Variants in ZFHX2 observed in about 807,000 individuals in gnomAD.
The protein encoded by ZFHX2 is zinc finger homeobox 2.
In ZFHX2, 75 loss-of-function variants were observed where a neutral mutation model predicts 164.8. That is an observed-to-expected ratio of 0.46 (90% CI 0.38 to 0.55). ZFHX2 has a LOEUF of 0.55. ZFHX2 is among the 20% of genes least tolerant of loss of function. The pLI, the probability that ZFHX2 is intolerant of heterozygous loss-of-function variation, is 0.00. For synonymous variants in ZFHX2, 1,217 were observed against 1,351.4 expected (o/e 0.90, Z 2.18); for missense variants, 2,933 against 3,308.0 (o/e 0.89, Z 2.78).
chr14:23,530,461 C>T (rs1269201969), intron 4 of ZFHX2: 6 of 644,260 alleles, frequency 9.3e-6, no homozygotes, highest in African/African-American at 1.8e-5. Context: ...CAGCAGTAGA[C>T]AGCAGAAACA....
chr14:23,547,789 G>A (rs545539342), intron 1 of ZFHX2, among the ~76,000 whole-genome samples: 1 of 152,290 alleles, frequency 6.6e-6, no homozygotes, highest in South Asian at 2.1e-4. Context: ...CTAATTCAAC[G>A]TTTGATCAGT....
In ZFHX2 at chr14:23,522,023, C is replaced by T; in HGVS notation, c.7658G>A (p.Arg2553Lys). Residue 2553 changes from arginine (R) to lysine (K), a missense_variant, in exon 10 of 10, where the codon AGA becomes AAA. Transcript: ENST00000419474. ...TGGGTTGGAGTCCGTGTGAGGTAAT[C>T]TTGCTTCCTCTTTGGCAAAAGCCAC... ...AAVAFAKEEA[R>K]LPHTDSNPKT... 6.5e-7 allele frequency: 1 copy of T among 1,536,388 alleles called. No homozygotes were observed. Among genetic ancestry groups the T allele is most frequent in the Non-Finnish European group, 8.7e-7 (1 of 1,146,902 alleles).
At position 23,522,552 on chromosome 14, in the gene ZFHX2, T is replaced by C. The variant is rs1488254950; in HGVS notation, c.7129A>G (p.Met2377Val). The change falls in exon 10 of 10, where the codon ATG (methionine) becomes GTG (valine). Residue 2377 changes from methionine (M) to valine (V), a missense_variant. Transcript: ENST00000419474. ...TTCATGGGAAATAGCCCCTTCTTCATGCCATAGAGCTGTTGGAAGTAGGCC... is the reference window on the plus strand; with the variant it reads ...TTCATGGGAAATAGCCCCTTCTTCACGCCATAGAGCTGTTGGAAGTAGGCC... ...QGAYFQQLYG[M>V]KKGLFPMNPM... 6.5e-7 allele frequency: 1 copy of C among 1,527,262 alleles called. No homozygotes were observed. The highest frequency in any genetic ancestry group is 2.0e-5 in the Admixed American group (1 of 50,174). The allele number at this position is 1,527,262 out of a possible 1,614,324, so 94.6% of individuals were successfully genotyped here. A position where few individuals can be genotyped will look rare whatever the true frequency, so the allele number is the denominator to read the frequency against.
Position 23,535,240 on chromosome 14 carries a change from GAGA to G in ZFHX2, c.83_85del (p.Phe28del), listed in dbSNP as rs1226211501. The G allele has an allele frequency of 2.6e-6, 4 of 1,519,048 alleles. No individual in the cohort carries two copies. Among genetic ancestry groups the G allele is most frequent in the East Asian group, 2.5e-5 (1 of 40,484 alleles). The allele number at this position is 1,519,048 out of a possible 1,614,324, so 94.1% of individuals were successfully genotyped here. On this transcript the variant is annotated inframe_deletion, in exon 2 of 10. Transcript: ENST00000419474. The surrounding 1 kb of genome is among the most constrained non-coding windows in gnomAD (Gnocchi z 4.5). ...GACAGGATCAGAGGGGGTGCTGGAG[GAGA>G]AGGTGTCCGAAGGCAGGGACGGGGC...
In ZFHX2 at chr14:23,522,204, A is replaced by C; in HGVS notation, c.7477T>G (p.Cys2493Gly). 1 of 1,482,854 alleles carries C rather than the reference A, an allele frequency of 6.7e-7. No homozygotes were observed. The allele number at this position is 1,482,854 out of a possible 1,614,324, so 91.9% of individuals were successfully genotyped here. ...TCACATGCCAGGCAGTGGTAGGTGC[A>C]GATGGGCACCCGCAATGGGGGTGGC... ...SMPPPLRVPICTYHCLACEVL... is the reference protein window; with the variant it reads ...SMPPPLRVPIGTYHCLACEVL... Residue 2493 changes from cysteine to glycine, a missense_variant, in exon 10 of 10, where the codon TGC becomes GGC. Transcript: ENST00000419474.
Position 23,523,326 on chromosome 14 carries a change from C to T in ZFHX2, c.6616G>A (p.Ala2206Thr). The T allele has an allele frequency of 6.9e-7, 1 of 1,454,344 alleles. No homozygotes were observed. Among genetic ancestry groups the T allele is most frequent in the Non-Finnish European group, 9.0e-7 (1 of 1,107,414 alleles). 90.1% of individuals were successfully genotyped at this position (1,454,344 alleles called of 1,614,324 possible). The change falls in exon 9 of 10, where the codon GCC (alanine) becomes ACC (threonine). Residue 2206 changes from alanine (A) to threonine (T), a missense_variant. Transcript: ENST00000419474. This position sits in a 1 kb window ranked among gnomAD's most constrained non-coding sequence, Gnocchi z 4.1. ...AGGGGCATGGAGGCAGGTGTGGTGGCAGGTGGGGCCTTGAGAGCTGGGGGA... is the reference window on the plus strand; with the variant it reads ...AGGGGCATGGAGGCAGGTGTGGTGGTAGGTGGGGCCTTGAGAGCTGGGGGA... Reference protein sequence around the residue: ...EAPPALKAPPATTPASMPLGA... With the variant: ...EAPPALKAPPTTTPASMPLGA...
At chr14:23,530,761 A>T in intron 4 of ZFHX2, 1 of 273,066 alleles carries the variant, frequency 3.7e-6, no homozygotes, top group South Asian at 3.5e-5. Context: ...CCGGCACTTA[A>T]CTCCAGCCAG....
Position 23,523,564 on chromosome 14 carries a change from C to G in ZFHX2, c.6378G>C (p.Gln2126His). The G allele has an allele frequency of 6.5e-7, 1 of 1,539,594 alleles. No homozygotes were observed. Among genetic ancestry groups the G allele is most frequent in the Non-Finnish European group, 8.7e-7 (1 of 1,148,272 alleles). Reference sequence around the variant, plus strand: ...CCCCAGTGCTCCCAGCGGCTGTCCCCTGTAGTTTGGCCTTCTTTTCCTTGG... The same window carrying G: ...CCCCAGTGCTCCCAGCGGCTGTCCCGTGTAGTTTGGCCTTCTTTTCCTTGG... Reference protein sequence around the residue: ...ARAKEKKAKLQGTAAGSTGGS... With the variant: ...ARAKEKKAKLHGTAAGSTGGS... The change falls in exon 9 of 10, where the codon CAG (glutamine) becomes CAC (histidine). Residue 2126 changes from glutamine to histidine, a missense_variant. Gln to His is a conservative substitution (Grantham distance 24, BLOSUM62 0). Coordinates refer to ENST00000419474, the MANE Select transcript of ZFHX2 (RefSeq NM_033400.3). This position sits in a 1 kb window ranked among gnomAD's most constrained non-coding sequence, Gnocchi z 4.1.
rs1878496625 is a variant in ZFHX2 at position 23,524,817 on chromosome 14, C to T, written c.5125G>A (p.Glu1709Lys). The part of the protein sequence containing the change: ...EEEEEEAERG[E>K]EEEEVEEEEV... ...TCTTCTTCCACCTCTTCCTCCTCTT[C>T]CCCTCTCTCTGCCTCTTCCTCCTCC... Residue 1709 changes from glutamate to lysine, a missense_variant, in exon 9 of 10, where the codon GAA (glutamate) becomes AAA (lysine). Physicochemically the swap from Glu to Lys is moderately conservative, Grantham distance 56. Coordinates refer to ENST00000419474, the MANE Select transcript of ZFHX2 (RefSeq NM_033400.3). The surrounding 1 kb of genome is among the most constrained non-coding windows in gnomAD (Gnocchi z 5.6). 1.3e-6 allele frequency: 2 copies of T among 1,537,002 alleles called. No individual in the cohort carries two copies. Among genetic ancestry groups the T allele is most frequent in the Non-Finnish European group, 1.7e-6 (2 of 1,147,196 alleles).
chr14:23,526,823 G>C, intron 8 of ZFHX2, 24 bp downstream of exon 8: 1 of 1,524,052 alleles, frequency 6.6e-7, no homozygotes, highest in Non-Finnish European at 8.8e-7. Context: ...GGTACCTTGG[G>C]AGGTTTGCTG....
chr14:23,551,809 A>G (rs1024797618), upstream of ZFHX2, among the ~76,000 whole-genome samples: 1 of 152,106 alleles, frequency 6.6e-6, no homozygotes, highest in African/African-American at 2.4e-5. The surrounding 1 kb of genome is among the most constrained non-coding windows in gnomAD (Gnocchi z 5.3). Flanking sequence ...GAGCAGGTGC[A>G]GCGACCCGCC....
In ZFHX2 at chr14:23,521,762, G is replaced by A. The variant is rs148885698; in HGVS notation, c.*200C>T. The A allele has an allele frequency of 3.1e-4, 281 of 902,134 alleles. No individual in the cohort carries two copies. Among genetic ancestry groups the A allele is most frequent in the Admixed American group, 5.0e-4 (16 of 32,028 alleles). The allele number at this position is 902,134 out of a possible 1,614,324, so 55.9% of individuals were successfully genotyped here. On this transcript the variant is annotated 3_prime_UTR_variant, in exon 10 of 10. Transcript: ENST00000419474. ...GAGCTGAGGAGGAGGATCAATGTGT[G>A]TGTCTGTGGGGATTGGGAGGAGGCA... is the stretch of plus-strand genomic sequence containing the variant.
rs1156352915 is a variant in ZFHX2 at position 23,535,894 on chromosome 14, GA to G, written c.-49-521del. Among the ~76,000 whole-genome samples, 1 of 152,152 alleles carries G rather than the reference GA, an allele frequency of 6.6e-6. No homozygotes were observed. Among genetic ancestry groups the G allele is most frequent in the Non-Finnish European group, 1.5e-5 (1 of 68,034 alleles). Reference sequence around the variant, plus strand: ...GGCGTGAGCCACCGCGCCCAGCCTAGAACTCTTTATTTGTCCCCTGAACCTG... The same window carrying G: ...GGCGTGAGCCACCGCGCCCAGCCTAGACTCTTTATTTGTCCCCTGAACCTG... On this transcript the variant is annotated intron_variant, in intron 1 of 9. Transcript: ENST00000419474. This position sits in a 1 kb window ranked among gnomAD's most constrained non-coding sequence, Gnocchi z 4.5.
chr14:23,550,692 C>T (rs181421675), intron 1 of ZFHX2, among the ~76,000 whole-genome samples: 1 of 152,266 alleles, frequency 6.6e-6, no homozygotes, highest in Non-Finnish European at 1.5e-5. Flanking sequence ...GTAGGATGGG[C>T]GTGCAGGACA....
chr14:23,549,540 C>T (rs915681733), intron 1 of ZFHX2, among the ~76,000 whole-genome samples: 3 of 151,866 alleles, frequency 2.0e-5, no homozygotes, highest in African/African-American at 7.3e-5. Context: ...AACACTGCCT[C>T]ATTAAAAAAA....
chr14:23,523,356 C>G lies in ZFHX2; in HGVS notation c.6586G>C (p.Glu2196Gln). 1.4e-6 allele frequency: 2 copies of G among 1,471,742 alleles called. No individual in the cohort carries two copies. Among genetic ancestry groups the G allele is most frequent in the Non-Finnish European group, 9.0e-7 (1 of 1,113,824 alleles). The allele number at this position is 1,471,742 out of a possible 1,614,324, so 91.2% of individuals were successfully genotyped here. The stretch of plus-strand genomic sequence containing the variant: ...GGGGCCTTGAGAGCTGGGGGAGCCT[C>G]AGGTGCTGGGGCCAAGTCGTAGCAC... ...SKCYDLAPAP[E>Q]APPALKAPPA... is the part of the protein sequence containing the mutation. The change falls in exon 9 of 10, where the codon GAG becomes CAG. Residue 2196 changes from glutamate (E) to glutamine (Q), a missense_variant. Glu to Gln is a conservative substitution (Grantham distance 29, BLOSUM62 2). Transcript: ENST00000419474. This position sits in a 1 kb window ranked among gnomAD's most constrained non-coding sequence, Gnocchi z 4.1.
Position 23,521,721 on chromosome 14 carries a change from G to T in ZFHX2, c.*241C>A. The T allele has an allele frequency of 1.6e-6, 1 of 617,354 alleles. No homozygotes were observed. 38.2% of individuals were successfully genotyped at this position (617,354 alleles called of 1,614,324 possible). A position where few individuals can be genotyped will look rare whatever the true frequency, so the allele number is the denominator to read the frequency against. ...TGTATGTGTCTGTGAAGATGGGCAA[G>T]GGCTACATCTGCAAGGAGCTGAGGA... is the stretch of plus-strand genomic sequence containing the variant. On this transcript the variant is annotated 3_prime_UTR_variant, in exon 10 of 10. Transcript: ENST00000419474.
In ZFHX2 at chr14:23,529,595, A is replaced by G. The variant is rs939203341; in HGVS notation, c.2934+115T>C. 3.0e-5 allele frequency: 32 copies of G among 1,074,406 alleles called. No homozygotes were observed. The East Asian group carries it at 7.5e-4, about 25-fold the overall frequency. 66.6% of individuals were successfully genotyped at this position (1,074,406 alleles called of 1,614,324 possible). On this transcript the variant is annotated intron_variant, in intron 6 of 9. Transcript: ENST00000419474. ...CTGGGTGGAATTTCTTAACTGTGCT[A>G]TTCTGAGTGAAATAAGTCAAAGCAT...
In ZFHX2 at chr14:23,523,606, C is replaced by T. The variant is rs902367553; in HGVS notation, c.6336G>A (p.Trp2112Ter). 6.4e-7 allele frequency: 1 copy of T among 1,556,388 alleles called. No individual in the cohort carries two copies. Among genetic ancestry groups the T allele is most frequent in the Non-Finnish European group, 8.6e-7 (1 of 1,156,984 alleles). Residue 2112 changes from tryptophan (W) to a stop codon, truncating the protein, a stop_gained, in exon 9 of 10, where the codon TGG becomes TGA. Transcript: ENST00000419474. LOFTEE classifies it high-confidence loss of function. The surrounding 1 kb of genome is among the most constrained non-coding windows in gnomAD (Gnocchi z 4.1). The part of the protein sequence containing the change: ...IGLPKRVIQV[W>*]FQNARAKEKK... ...TTTCCTTGGCACGAGCATTCTGGAA[C>T]CAGACCTGGATGACTCTCTTGGGCA... is the stretch of plus-strand genomic sequence containing the variant.
Sources: allele counts gnomAD v4.1 joint callset (sites outside exome capture counted in the v4.1 genomes callset), GRCh38; gene constraint gnomAD v4.1.1; non-coding constraint Gnocchi (gnomAD v3.1); transcripts MANE v1.5; gene names NCBI Gene and HGNC (gene_info 2026-07-23, HGNC 2026-07-21).